ANK2: variants seen among roughly 807,000 people sequenced by gnomAD.
ANK2 encodes the protein ankyrin 2.
A neutral mutation model predicts 360.5 loss-of-function variants in ANK2; 83 were observed. The observed-to-expected ratio is 0.23, with a 90% CI of 0.19 to 0.28. The LOEUF (loss-of-function observed/expected upper bound fraction) is 0.28. ANK2 is among the 10% of genes least tolerant of loss of function. The probability of loss-of-function intolerance (pLI) is 1.00; values close to 1 mark genes in which losing one functional copy is unlikely to be tolerated. For missense variants in ANK2, 4,201 were observed against 4,795.7 expected, an observed-to-expected ratio of 0.88 and a Z score of 3.66; for synonymous variants, 1,740 against 1,759.5, an observed-to-expected ratio of 0.99 and a Z score of 0.28.
At chr4:112,949,734 G>C (rs2094806370) in intron 2 of ANK2, among the ~76,000 whole-genome samples, 1 of 152,146 alleles carries the variant, frequency 6.6e-6, no homozygotes, top group Admixed American at 6.6e-5. Flanking sequence ...TCTTGGTCTG[G>C]AATAAGCCTT....
intron 1 of ANK2, among the ~76,000 whole-genome samples, chr4:113,080,403 C>T (rs2154346660): frequency 6.6e-6 from 1 of 152,258 alleles, no homozygotes; most frequent in Admixed American, 6.5e-5. Flanking sequence ...GGTTTTGTTT[C>T]TTAGAACGGT....
At chr4:112,793,693 A>G in the ANK2 span, among the ~76,000 whole-genome samples, 37,121 of 148,232 alleles carry the variant, frequency 0.25, 5,075 homozygotes, top group East Asian at 0.54. Context: ...TAGAAATAAA[A>G]TAATTTTCTT....
At chr4:113,065,783 G>A (rs1380947261) in intron 1 of ANK2, among the ~76,000 whole-genome samples, 2 of 152,160 alleles carry the variant, frequency 1.3e-5, no homozygotes, top group African/African-American at 4.8e-5. Context: ...ATCAAGTGGG[G>A]TACTGAGCTT....
chr4:112,855,337 G>A (rs762032650), intron 1 of ANK2, among the ~76,000 whole-genome samples: 9 of 152,160 alleles, frequency 5.9e-5, no homozygotes, highest in Non-Finnish European at 1.2e-4. Flanking sequence ...GTCTTTGTTC[G>A]TTGTCCACAT....
At chr4:112,958,623 G>GGGGAGAGGGAGA (rs756617429) in intron 2 of ANK2, among the ~76,000 whole-genome samples, 51 of 151,718 alleles carry the variant, frequency 3.4e-4, no homozygotes, top group Admixed American at 3.3e-4. Flanking sequence ...GAGGGAGAGG[G>GGGGAGAGGGAGA]GGGAGAGGGA....
At chr4:112,910,950 T>C (rs2086974347) in intron 2 of ANK2, among the ~76,000 whole-genome samples, 1 of 149,784 alleles carries the variant, frequency 6.7e-6, no homozygotes. Context: ...TTTTGTTTAT[T>C]ATTTGCCTTT....
chr4:113,336,779 C>T lies in ANK2; in HGVS notation c.3794C>T (p.Thr1265Ile). 6.2e-7 allele frequency: 1 copy of T among 1,613,816 alleles called. No homozygotes were observed. Among genetic ancestry groups the T allele is most frequent in the Non-Finnish European group, 8.5e-7 (1 of 1,179,750 alleles). Reference protein sequence around the residue: ...APTLRLLCSITGGTTPAQWED... With the variant: ...APTLRLLCSIIGGTTPAQWED... ...ACCTTAAGATTACTATGCAGCATAACAGGTGAGTCACATATGACTGTGTTC... is the reference window on the plus strand; with the variant it reads ...ACCTTAAGATTACTATGCAGCATAATAGGTGAGTCACATATGACTGTGTTC... Residue 1265 changes from threonine (T) to isoleucine (I), a missense_variant and splice_region_variant, in exon 31 of 46, where the codon ACA (threonine) becomes ATA (isoleucine). Thr to Ile is a moderately conservative substitution (Grantham distance 89). Coordinates refer to ENST00000357077, the MANE Select transcript of ANK2 (RefSeq NM_001148.6).
intron 1 of ANK2, among the ~76,000 whole-genome samples, chr4:113,114,733 C>T (rs2094597340): frequency 6.6e-6 from 1 of 152,084 alleles, no homozygotes; most frequent in Admixed American, 6.6e-5. Flanking sequence ...AACAGGAACT[C>T]CTCACTTTCT....
intron 2 of ANK2, among the ~76,000 whole-genome samples, chr4:112,987,311 G>C (rs1348017500): frequency 3.9e-5 from 6 of 152,204 alleles, no homozygotes; most frequent in Non-Finnish European, 8.8e-5. Flanking sequence ...TGCTGGGCTG[G>C]AAGCAGGTGG....
chr4:112,717,987 T>C, the ANK2 span, among the ~76,000 whole-genome samples: 1 of 152,244 alleles, frequency 6.6e-6, no homozygotes, highest in African/African-American at 2.4e-5. Context: ...TGAATGCCTC[T>C]TTTATAGACA....
intron 2 of ANK2, among the ~76,000 whole-genome samples, chr4:113,015,598 T>C (rs559084012): frequency 6.6e-6 from 1 of 152,276 alleles, no homozygotes; most frequent in Non-Finnish European, 1.5e-5. Context: ...TAACGAAAAA[T>C]ATATGGGTTG....
upstream of ANK2, among the ~76,000 whole-genome samples, chr4:112,815,156 C>T (rs2055547477): frequency 6.6e-6 from 1 of 152,106 alleles, no homozygotes; most frequent in Non-Finnish European, 1.5e-5. Context: ...GCTGAGATTA[C>T]AGGTGCAAGC....
intron 1 of ANK2, among the ~76,000 whole-genome samples, chr4:112,874,799 T>A (rs1462267543): frequency 6.6e-6 from 1 of 151,992 alleles, no homozygotes; most frequent in South Asian, 2.1e-4. Context: ...CTGTAATCAG[T>A]GGGAAATCAA....
At chr4:113,104,251 A>T (rs989488377) in intron 1 of ANK2, among the ~76,000 whole-genome samples, 1 of 151,898 alleles carries the variant, frequency 6.6e-6, no homozygotes, top group African/African-American at 2.4e-5. Flanking sequence ...TTAGATTTTG[A>T]TGGAGACGTG....
intron 4 of ANK2, among the ~76,000 whole-genome samples, chr4:113,228,660 A>G (rs1389555287): frequency 6.6e-6 from 1 of 151,910 alleles, no homozygotes; most frequent in Non-Finnish European, 1.5e-5. Flanking sequence ...GTGTGCAAGT[A>G]TCTTTTTTGT....
intron 22 of ANK2, among the ~76,000 whole-genome samples, chr4:113,295,366 C>T (rs1318745633): frequency 1.3e-5 from 2 of 152,006 alleles, no homozygotes; most frequent in Non-Finnish European, 2.9e-5. Flanking sequence ...AAAGAGATCT[C>T]AGGTTTGTAG....
chr4:113,238,480 C>T (rs362508), intron 7 of ANK2, among the ~76,000 whole-genome samples: 2 of 152,034 alleles, frequency 1.3e-5, no homozygotes, highest in African/African-American at 4.8e-5. Context: ...TTCTTTTGTT[C>T]CCTATCGTTG....
intron 40 of ANK2, among the ~76,000 whole-genome samples, chr4:113,363,902 T>C (rs2096383825): frequency 6.6e-6 from 1 of 152,188 alleles, no homozygotes; most frequent in South Asian, 2.1e-4. Context: ...TTCCAGCCAC[T>C]TGAGACCCTG....
At chr4:112,826,277 A>G (rs2058386485) in intron 1 of ANK2, 1 of 530,966 alleles carries the variant, frequency 1.9e-6, no homozygotes, top group African/African-American at 1.9e-5. Context: ...TATTTTGACT[A>G]TAAATTTCTA....
Sources: allele counts gnomAD v4.1 joint callset (sites outside exome capture counted in the v4.1 genomes callset), GRCh38; gene constraint gnomAD v4.1.1; transcripts MANE v1.5; gene names NCBI Gene and HGNC (gene_info 2026-07-23, HGNC 2026-07-21).